Variants in ABI2 observed in about 807,000 individuals in gnomAD.
The protein encoded by ABI2 is abl interactor 2.
Under a neutral mutation model 59.2 loss-of-function variants are expected in ABI2, and 25 were observed. The ratio of observed to expected loss-of-function variants is 0.42; its 90% CI spans 0.31 to 0.59. The LOEUF (loss-of-function observed/expected upper bound fraction) is 0.59. Ranked by LOEUF, ABI2 falls within the 20% of genes least tolerant of loss-of-function variation. The probability of loss-of-function intolerance (pLI) is 0.14; values close to 1 mark genes in which losing one functional copy is unlikely to be tolerated. For synonymous variants in ABI2, 213 were observed against 235.5 expected, an observed-to-expected ratio of 0.90 and a Z score of 0.87; for missense variants, 545 against 681.8, an observed-to-expected ratio of 0.80 and a Z score of 2.23.
At chr2:203,369,487 C>T (rs911666081) in intron 2 of ABI2, among the ~76,000 whole-genome samples, 11 of 152,236 alleles carry the variant, frequency 7.2e-5, no homozygotes, top group Middle Eastern at 3.4e-3. Context: ...GGTGAATACT[C>T]AGCCACCCTA....
chr2:203,350,879 TGTGTGTGTGTGTGC>T (rs1004890682), intron 1 of ABI2, among the ~76,000 whole-genome samples: 11 of 111,728 alleles, frequency 9.8e-5, no homozygotes, highest in African/African-American at 1.4e-4. Flanking sequence ...TGTGTGTGTG[TGTGTGTGTGTGTGC>T]GCGCGCGCAT....
Position 203,332,615 on chromosome 2 carries a change from ACT to A in ABI2, c.117+3987_117+3988del, listed in dbSNP as rs371015746. Among the ~76,000 whole-genome samples, 49 of 152,292 alleles carry A rather than the reference ACT, an allele frequency of 3.2e-4. 1 individual carries two copies. Among genetic ancestry groups the A allele is most frequent in the Middle Eastern group, 3.4e-3 (1 of 294 alleles). On this transcript the variant is annotated intron_variant, in intron 1 of 11. Coordinates refer to ENST00000261018, the MANE Select transcript of ABI2 (RefSeq NM_001375670.1). ...ACTCCAGCCTGGGCGACAGAGCAAG[ACT>A]CTGTCTCAAAAAAACAAAAATTACA...
intron 2 of ABI2, among the ~76,000 whole-genome samples, chr2:203,372,341 C>CA (rs1362153301): frequency 1.3e-5 from 2 of 152,236 alleles, no homozygotes; most frequent in African/African-American, 2.4e-5. Context: ...TCTACACAGA[C>CA]ACGGCAACCA....
At chr2:203,414,765 T>C (rs530299634) in intron 10 of ABI2, among the ~76,000 whole-genome samples, 67 of 152,350 alleles carry the variant, frequency 4.4e-4, no homozygotes, top group African/African-American at 1.6e-3. Flanking sequence ...ATAATAGGCA[T>C]TGGAGTTCAG....
At chr2:203,398,339 C>A (rs908855505) in intron 8 of ABI2, among the ~76,000 whole-genome samples, 1 of 152,086 alleles carries the variant, frequency 6.6e-6, no homozygotes, top group Non-Finnish European at 1.5e-5. Flanking sequence ...GGACAAATCA[C>A]CCCCAACTGA....
chr2:203,385,344 G>T (rs2096454726), intron 4 of ABI2, among the ~76,000 whole-genome samples: 2 of 150,778 alleles, frequency 1.3e-5, no homozygotes, highest in South Asian at 4.2e-4. Context: ...TGTTAGCCAG[G>T]ATGGTCTCGA....
Position 203,394,821 on chromosome 2 carries a change from G to T in ABI2, c.700G>T (p.Val234Leu). The T allele has an allele frequency of 6.2e-7, 1 of 1,614,142 alleles. No individual in the cohort carries two copies. Among genetic ancestry groups the T allele is most frequent in the East Asian group, 2.2e-5 (1 of 44,886 alleles). Residue 234 changes from valine (V) to leucine (L), a missense_variant, in exon 6 of 12, where the codon GTG becomes TTG. Physicochemically the swap from Val to Leu is conservative, Grantham distance 32 (BLOSUM62 1). Around this residue, in one of 4 missense-constraint regions of ABI2, gnomAD observed 410 missense variants for 435.6 expected, o/e 0.94. Coordinates refer to ENST00000261018, the MANE Select transcript of ABI2 (RefSeq NM_001375670.1). ...GCAGAGCCCTGTGAGGACAGCTTCT[G>T]TGAATCAAAGAAATCGAACTTACAG... The part of the protein sequence containing the change: ...SQQSPVRTAS[V>L]NQRNRTYSSS...
At chr2:203,344,402 A>G (rs894571544) in intron 1 of ABI2, among the ~76,000 whole-genome samples, 4 of 151,516 alleles carry the variant, frequency 2.6e-5, no homozygotes, top group African/African-American at 7.3e-5. Flanking sequence ...CTCTTGCTCT[A>G]TTGCCCAGGT....
intron 1 of ABI2, among the ~76,000 whole-genome samples, chr2:203,343,219 C>T (rs936130577): frequency 3.3e-5 from 5 of 152,002 alleles, no homozygotes; most frequent in Middle Eastern, 3.2e-3. Flanking sequence ...CAAAAATTAG[C>T]GGGATGTGGT....
intron 3 of ABI2, 110 bp from the exon 4 acceptor site, chr2:203,382,079 G>C: frequency 1.1e-6 from 1 of 879,462 alleles, no homozygotes; most frequent in South Asian, 1.8e-5. Context: ...AATGCTGAAT[G>C]CTTAACTTGT....
chr2:203,413,794 A>G (rs1183548905), intron 10 of ABI2, among the ~76,000 whole-genome samples: 1 of 152,206 alleles, frequency 6.6e-6, no homozygotes. Flanking sequence ...AAAGCTTTCC[A>G]GGTATATTAT....
intron 9 of ABI2, among the ~76,000 whole-genome samples, chr2:203,408,007 G>T (rs186009812): frequency 2.1e-4 from 32 of 152,304 alleles, no homozygotes; most frequent in Non-Finnish European, 2.9e-5. Flanking sequence ...TTAAAGGTTT[G>T]TCCTGGAGAA....
chr2:203,340,915 C>G (rs2079485538), intron 1 of ABI2, among the ~76,000 whole-genome samples: 1 of 152,202 alleles, frequency 6.6e-6, no homozygotes, highest in Non-Finnish European at 1.5e-5. Flanking sequence ...TCTCCTGTTA[C>G]ACTCCTTTAC....
intron 1 of ABI2, chr2:203,355,181 C>T (rs574939816): frequency 1.2e-5 from 5 of 411,690 alleles, no homozygotes; most frequent in African/African-American, 1.0e-4. Context: ...TGCATATCCT[C>T]TGGTGCTTCC....
At chr2:203,357,517 T>C (rs2092445819) in intron 1 of ABI2, among the ~76,000 whole-genome samples, 1 of 152,220 alleles carries the variant, frequency 6.6e-6, no homozygotes, top group Non-Finnish European at 1.5e-5. Flanking sequence ...CTAAATAACC[T>C]CCTTTTTCTA....
chr2:203,352,964 T>A (rs1374398240), intron 1 of ABI2, among the ~76,000 whole-genome samples: 1 of 152,252 alleles, frequency 6.6e-6, no homozygotes, highest in Non-Finnish European at 1.5e-5. Flanking sequence ...GGTAACATAC[T>A]GTACAGGTTT....
At chr2:203,400,822 C>T (rs1239505556) in intron 8 of ABI2, among the ~76,000 whole-genome samples, 1 of 152,068 alleles carries the variant, frequency 6.6e-6, no homozygotes, top group Non-Finnish European at 1.5e-5. Context: ...TCCTCTAATA[C>T]TTTTAATTAA....
chr2:203,412,796 A>T (rs2097731773), intron 10 of ABI2, among the ~76,000 whole-genome samples: 1 of 152,184 alleles, frequency 6.6e-6, no homozygotes, highest in Admixed American at 6.5e-5. Context: ...CAAGTGTGGG[A>T]TACAGGGTCA....
intron 4 of ABI2, among the ~76,000 whole-genome samples, chr2:203,386,905 G>C (rs1445109436): frequency 6.6e-6 from 1 of 152,082 alleles, no homozygotes; most frequent in Non-Finnish European, 1.5e-5. Flanking sequence ...CTCCCAGAGT[G>C]CTGGGATTAC....
Sources: gnomAD v4.1 joint callset for allele counts (sites outside exome capture counted in the v4.1 genomes callset) on GRCh38, gnomAD v4.1.1 for gene constraint, gnomAD v4.1.1 regional missense constraint, MANE v1.5 for transcripts, NCBI Gene and HGNC (gene_info 2026-07-23, HGNC 2026-07-21) for gene names.